The following BOP1 variants were observed in gnomAD, a reference collection of about 807,000 sequenced individuals.
BOP1 encodes the protein ribosome biogenesis protein BOP1.
A neutral mutation model predicts 82.9 loss-of-function variants in BOP1; 54 were observed. The observed-to-expected ratio is 0.65, with a 90% CI of 0.52 to 0.82. The LOEUF (loss-of-function observed/expected upper bound fraction) is 0.82. Among genes scored for constraint, BOP1 ranks in the 40% least tolerant of loss-of-function variants. The probability of loss-of-function intolerance (pLI) is 0.00; values close to 1 mark genes in which losing one functional copy is unlikely to be tolerated. For synonymous variants in BOP1, 566 were observed against 451.1 expected (o/e 1.25, Z -3.23); for missense variants, 1,170 against 1,072.0 (o/e 1.09, Z -1.28).
At chr8:144,285,130 A>G (rs958250009) in intron 2 of BOP1, among the ~76,000 whole-genome samples, 18 of 152,250 alleles carry the variant, frequency 1.2e-4, no homozygotes, top group Admixed American at 1.0e-3. Context: ...AGAGATGAAC[A>G]AAAGCCGCAG....
intron 2 of BOP1, 28 bp downstream of exon 2, chr8:144,289,067 C>A (rs1554839779): frequency 6.2e-7 from 1 of 1,612,602 alleles, no homozygotes; most frequent in Non-Finnish European, 8.5e-7. Flanking sequence ...TGGGGGACAG[C>A]CCTCGAGGGG....
rs951529682 is a variant in BOP1, at chr8:144,263,512, G to A, written c.1390C>T (p.Pro464Ser). ...GGVVKSVAWN[P>S]SPAVCLVAAA... is the part of the protein sequence containing the mutation. ...GCCACCAGGCAGACAGCGGGGCTGG[G>A]GTTCCAGGCCACACTCTTCACCACG... Residue 464 changes from proline to serine, a missense_variant, in exon 11 of 16, where the codon CCC becomes TCC. Coordinates refer to ENST00000569669, the MANE Select transcript of BOP1 (RefSeq NM_015201.5). The A allele has an allele frequency of 4.2e-5, 67 of 1,599,166 alleles. No individual in the cohort carries two copies. The Middle Eastern group carries it at 1.5e-3, about 35-fold the overall frequency.
At chr8:144,274,576 G>A (rs1168736471) in intron 3 of BOP1, among the ~76,000 whole-genome samples, 3 of 152,194 alleles carry the variant, frequency 2.0e-5, no homozygotes, top group African/African-American at 4.8e-5. Flanking sequence ...CCGCCCCCTC[G>A]AGCCACTGGC....
At chr8:144,282,226 C>T (rs963623742) in intron 2 of BOP1, among the ~76,000 whole-genome samples, 5 of 152,196 alleles carry the variant, frequency 3.3e-5, no homozygotes, top group Admixed American at 6.5e-5. Flanking sequence ...TGGGAGCACC[C>T]GTGTCAGGGG....
chr8:144,283,743 T>C (rs4977214), intron 2 of BOP1, among the ~76,000 whole-genome samples: 98,987 of 152,168 alleles, frequency 0.65, 32,353 homozygotes, highest in Admixed American at 0.72. Flanking sequence ...AGGCTGGTGG[T>C]GGGAAAGCAG....
chr8:144,267,990 G>C, intron 3 of BOP1: 4 of 1,478,438 alleles, frequency 2.7e-6, no homozygotes, highest in Admixed American at 2.0e-5. Context: ...GGAGAGCCGG[G>C]AAGGAGGTGC....
intron 3 of BOP1, 195 bp from the exon 4 acceptor site, chr8:144,265,266 A>G (rs1248482969): frequency 7.8e-6 from 5 of 642,200 alleles, no homozygotes; most frequent in African/African-American, 5.7e-5. Flanking sequence ...CGCTGCCCCC[A>G]CCCCCGCCCT....
chr8:144,285,680 G>T (rs938086889), intron 2 of BOP1, among the ~76,000 whole-genome samples: 1 of 152,184 alleles, frequency 6.6e-6, no homozygotes, highest in East Asian at 1.9e-4. Flanking sequence ...CAGAACCAAG[G>T]GGCACTGATT....
At chr8:144,286,584 A>G (rs112565437) in intron 2 of BOP1, among the ~76,000 whole-genome samples, 21 of 129,536 alleles carry the variant, frequency 1.6e-4, no homozygotes, top group East Asian at 4.4e-4. Context: ...ACGCGGGCAG[A>G]TGCACGGGCG....
chr8:144,271,839 G>C (rs1409504322), intron 3 of BOP1, among the ~76,000 whole-genome samples: 2 of 152,186 alleles, frequency 1.3e-5, no homozygotes, highest in Non-Finnish European at 2.9e-5. Flanking sequence ...CCACGCATCT[G>C]CCCTTCTAGA....
At position 144,263,439 on chromosome 8, in the gene BOP1, G is replaced by A. The variant is rs1194423740; in HGVS notation, c.1425-38C>T. 3.1e-6 allele frequency: 5 copies of A among 1,597,674 alleles called. No homozygotes were observed. In the African/African-American group the frequency reaches 4.0e-5, roughly 13 times the overall value. On this transcript the variant is annotated intron_variant, in intron 11 of 15. Transcript: ENST00000569669. ...CCCAGACACGGCCCCTAAGCACAGT[G>A]CCACCCCTGGCTCCCCAGCCCCCAG...
At chr8:144,266,453 G>C (rs1190765424) in intron 3 of BOP1, 38 of 966,832 alleles carry the variant, frequency 3.9e-5, no homozygotes, top group Admixed American at 1.8e-4. Context: ...GCCCCGCTCC[G>C]GCCCGGGACG....
intron 1 of BOP1, among the ~76,000 whole-genome samples, chr8:144,289,566 T>C (rs544860919): frequency 6.6e-6 from 1 of 152,154 alleles, no homozygotes; most frequent in Non-Finnish European, 1.5e-5. Context: ...GGAAGGGGCT[T>C]TTCAAGGACA....
intron 2 of BOP1, among the ~76,000 whole-genome samples, chr8:144,276,732 G>A (rs1015323328): frequency 1.6e-4 from 24 of 152,364 alleles, no homozygotes; most frequent in African/African-American, 5.8e-4. Flanking sequence ...CCTGGGACGG[G>A]GGCAGCATGG....
chr8:144,265,117 A>C (rs1845330693), intron 3 of BOP1, 46 bp from the exon 4 acceptor site: 3 of 1,577,898 alleles, frequency 1.9e-6, no homozygotes, highest in Non-Finnish European at 1.7e-6. Flanking sequence ...TACAAGGCCC[A>C]CCCCCGCTTC....
rs1306041488 is a variant in BOP1, at chr8:144,264,414, G to T, written c.789C>A (p.Ile263=). 14 of 1,602,740 alleles carry T rather than the reference G, an allele frequency of 8.7e-6. No individual in the cohort carries two copies. Among genetic ancestry groups the T allele is most frequent in the African/African-American group, 1.3e-5 (1 of 74,896 alleles). Reference sequence around the variant, plus strand: ...GGCGAGGCTGGATCCAGCCCATCTTGATGGCGTGCACCATGCGAGAGACCT... The same window carrying T: ...GGCGAGGCTGGATCCAGCCCATCTTTATGGCGTGCACCATGCGAGAGACCT... ...KEKVSRMVHA[I]KMGWIQPRRP... is the part of the protein sequence containing the mutation. Residue 263 remains isoleucine (I), a synonymous_variant, in exon 7 of 16, where the codon ATC becomes ATA. Coordinates refer to ENST00000569669, the MANE Select transcript of BOP1 (RefSeq NM_015201.5).
At chr8:144,279,008 A>T (rs758384193) in intron 2 of BOP1, among the ~76,000 whole-genome samples, 10 of 152,236 alleles carry the variant, frequency 6.6e-5, no homozygotes, top group Non-Finnish European at 1.5e-4. Context: ...GTTCCCAGGC[A>T]TGGAGGCCAA....
intron 2 of BOP1, among the ~76,000 whole-genome samples, chr8:144,284,303 A>C (rs1391930520): frequency 6.6e-6 from 1 of 152,160 alleles, no homozygotes; most frequent in Non-Finnish European, 1.5e-5. Flanking sequence ...GTCTCAAACA[A>C]AAAAAAGCAT....
At chr8:144,273,112 G>C (rs1395284787) in intron 3 of BOP1, among the ~76,000 whole-genome samples, 1 of 152,152 alleles carries the variant, frequency 6.6e-6, no homozygotes, top group African/African-American at 2.4e-5. Flanking sequence ...AACCTGAGCC[G>C]AGGCCGCGCC....
Sources: allele counts gnomAD v4.1 joint callset (sites outside exome capture counted in the v4.1 genomes callset), GRCh38; gene constraint gnomAD v4.1.1; transcripts MANE v1.5; gene names NCBI Gene and HGNC (gene_info 2026-07-23, HGNC 2026-07-21).